The following EPB41L5 variants were observed in gnomAD, a reference collection of about 807,000 sequenced individuals.
The protein encoded by EPB41L5 is erythrocyte membrane protein band 4.1 like 5, also known as band 4.1-like protein 5.
Under a neutral mutation model 106.6 loss-of-function variants are expected in EPB41L5, and 55 were observed. The observed-to-expected ratio is 0.52, with a 90% CI of 0.42 to 0.65. The LOEUF is 0.65. EPB41L5 is among the 30% of genes least tolerant of loss of function. The pLI, the probability that EPB41L5 is intolerant of heterozygous loss-of-function variation, is 0.00. For missense variants in EPB41L5, 871 were observed against 882.1 expected (o/e 0.99, Z 0.16); for synonymous variants, 297 against 306.7 (o/e 0.97, Z 0.33).
At position 120,130,937 on chromosome 2, in the gene EPB41L5, T is replaced by A. The variant is rs146019651; in HGVS notation, c.1502-681T>A. On this transcript the variant is annotated intron_variant, in intron 17 of 24. Coordinates refer to ENST00000263713, the MANE Select transcript of EPB41L5 (RefSeq NM_020909.4). The stretch of plus-strand genomic sequence containing the variant: ...TTTGTCAAGTTGACAGTGTAAAATT[T>A]TATGCACACATCAAATTAATCTCTG... Among the ~76,000 whole-genome samples the A allele has an allele frequency of 3.1e-3, 473 of 152,326 alleles. 3 individuals carry two copies. The highest frequency in any genetic ancestry group is 0.027 in the Middle Eastern group (8 of 294).
chr2:120,079,766 C>T (rs1682512729), intron 10 of EPB41L5, among the ~76,000 whole-genome samples: 1 of 152,182 alleles, frequency 6.6e-6, no homozygotes, highest in South Asian at 2.1e-4. Flanking sequence ...GTCTTCTCCT[C>T]AAGCTTTTTT....
intron 13 of EPB41L5, among the ~76,000 whole-genome samples, chr2:120,092,032 ATTTATTTATTT>A: frequency 6.6e-6 from 1 of 150,924 alleles, no homozygotes; most frequent in Admixed American, 6.6e-5. Context: ...TTATTTATTT[ATTTATTTATTT>A]ATTTTGAGAT....
At chr2:120,081,499 T>G (rs1682665567) in intron 10 of EPB41L5, among the ~76,000 whole-genome samples, 1 of 152,200 alleles carries the variant, frequency 6.6e-6, no homozygotes, top group South Asian at 2.1e-4. Flanking sequence ...CCATGCTGTT[T>G]TGGTTACTGT....
At chr2:120,066,302 ATC>A (rs1307053845) in intron 3 of EPB41L5, among the ~76,000 whole-genome samples, 1 of 152,192 alleles carries the variant, frequency 6.6e-6, no homozygotes, top group Non-Finnish European at 1.5e-5. Flanking sequence ...GAGAGATAAC[ATC>A]TCTGTTACAT....
intron 20 of EPB41L5, among the ~76,000 whole-genome samples, chr2:120,146,929 C>T (rs575672812): frequency 6.6e-6 from 1 of 152,224 alleles, no homozygotes. Context: ...TTCCAGATAC[C>T]GCAGTCAACA....
intron 10 of EPB41L5, among the ~76,000 whole-genome samples, chr2:120,081,727 C>A (rs922444597): frequency 2.6e-5 from 4 of 152,136 alleles, no homozygotes; most frequent in African/African-American, 7.2e-5. Context: ...GATATTGATT[C>A]TTCCTATCCA....
At chr2:120,080,549 A>G (rs1370855541) in intron 10 of EPB41L5, among the ~76,000 whole-genome samples, 1 of 152,166 alleles carries the variant, frequency 6.6e-6, no homozygotes, top group Non-Finnish European at 1.5e-5. Context: ...GCTATTGTGA[A>G]TAGTGCCGCA....
intron 18 of EPB41L5, among the ~76,000 whole-genome samples, chr2:120,134,380 G>C (rs1452129753): frequency 1.3e-5 from 2 of 152,118 alleles, no homozygotes; most frequent in Non-Finnish European, 2.9e-5. Flanking sequence ...GTCTTACAGA[G>C]AAATGCACAA....
At chr2:120,064,803 A>G (rs927750750) in intron 3 of EPB41L5, among the ~76,000 whole-genome samples, 1 of 152,186 alleles carries the variant, frequency 6.6e-6, no homozygotes, top group Non-Finnish European at 1.5e-5. Context: ...CCCTGATTCA[A>G]GGAAAACACT....
At chr2:120,066,928 T>C (rs1034160601) in intron 3 of EPB41L5, among the ~76,000 whole-genome samples, 8 of 152,240 alleles carry the variant, frequency 5.3e-5, no homozygotes, top group Non-Finnish European at 8.8e-5. Flanking sequence ...ATGAACTGTT[T>C]ACTGCTGTAG....
At chr2:120,116,878 ATACAC>A (rs1037505325) in intron 16 of EPB41L5, among the ~76,000 whole-genome samples, 3 of 152,148 alleles carry the variant, frequency 2.0e-5, no homozygotes, top group Non-Finnish European at 4.4e-5. Flanking sequence ...GAATGTCAAA[ATACAC>A]TAGTGTGTTT....
chr2:120,077,768 G>C (rs1466214994), intron 9 of EPB41L5, among the ~76,000 whole-genome samples: 1 of 152,076 alleles, frequency 6.6e-6, no homozygotes, highest in African/African-American at 2.4e-5. Flanking sequence ...AGTTTAACTA[G>C]TAACATTTTT....
intron 5 of EPB41L5, 65 bp from the exon 6 acceptor site, chr2:120,075,411 T>C: frequency 3.4e-6 from 4 of 1,169,060 alleles, no homozygotes; most frequent in Non-Finnish European, 3.8e-6. Flanking sequence ...AAGTTAGAAG[T>C]GTAAGATTTT....
intron 12 of EPB41L5, 38 bp from the exon 13 acceptor site, chr2:120,091,517 A>T (rs759810584): frequency 1.4e-6 from 2 of 1,431,866 alleles, no homozygotes; most frequent in Non-Finnish European, 2.0e-6. Context: ...ATTACTGTAG[A>T]CCTAAAATTT....
At chr2:120,098,602 G>A (rs925572177) in intron 14 of EPB41L5, among the ~76,000 whole-genome samples, 6 of 152,188 alleles carry the variant, frequency 3.9e-5, no homozygotes, top group African/African-American at 1.4e-4. Context: ...TGTTCTAACA[G>A]TCTCATGCAA....
In EPB41L5 at chr2:120,112,778, T is replaced by TAC. The variant is rs780409851; in HGVS notation, c.1337+11964_1337+11965insAC. Among the ~76,000 whole-genome samples, 95 of 152,364 alleles carry TAC rather than the reference T, an allele frequency of 6.2e-4. No homozygotes were observed. In the Middle Eastern group the frequency reaches 0.01, roughly 16 times the overall value. The stretch of plus-strand genomic sequence containing the variant: ...AATAGCTAATACTTGAGTGCTTCTG[T>TAC]GCCAGACATTGTTCTGGAGGTACAG... On this transcript the variant is annotated intron_variant, in intron 16 of 24. Transcript: ENST00000263713.
chr2:120,155,974 C>G (rs1350638791), intron 20 of EPB41L5, among the ~76,000 whole-genome samples: 1 of 152,118 alleles, frequency 6.6e-6, no homozygotes, highest in East Asian at 1.9e-4. Flanking sequence ...CCCACGACCA[C>G]CACGGACACT....
intron 3 of EPB41L5, among the ~76,000 whole-genome samples, chr2:120,071,048 G>T (rs1202700002): frequency 6.6e-6 from 1 of 152,166 alleles, no homozygotes; most frequent in Non-Finnish European, 1.5e-5. Flanking sequence ...AAGTCAGATT[G>T]CCTCTGTTTG....
At chr2:120,134,534 G>A (rs555513989) in intron 18 of EPB41L5, among the ~76,000 whole-genome samples, 31 of 152,204 alleles carry the variant, frequency 2.0e-4, no homozygotes, top group African/African-American at 6.5e-4. Context: ...TCAGCACAGT[G>A]TCAGTGGGTA....
Sources: gnomAD v4.1 joint callset for allele counts (sites outside exome capture counted in the v4.1 genomes callset) on GRCh38, gnomAD v4.1.1 for gene constraint, MANE v1.5 for transcripts, NCBI Gene and HGNC (gene_info 2026-07-23, HGNC 2026-07-21) for gene names.